SLIT2: variants seen among roughly 807,000 people sequenced by gnomAD.
SLIT2 encodes the protein slit homolog 2 protein.
Under a neutral mutation model 185.7 loss-of-function variants are expected in SLIT2, and 41 were observed. That is an observed-to-expected ratio of 0.22 (90% CI 0.17 to 0.29). SLIT2 has a LOEUF of 0.29. SLIT2 is among the 10% of genes least tolerant of loss of function. The pLI is 1.00. For synonymous variants in SLIT2, 693 were observed against 680.2 expected (o/e 1.02, Z -0.29); for missense variants, 1,571 against 1,909.0 (o/e 0.82, Z 3.30).
intron 3 of SLIT2, among the ~76,000 whole-genome samples, chr4:20,263,797 A>G (rs920904027): frequency 6.6e-6 from 1 of 151,918 alleles, no homozygotes; most frequent in Non-Finnish European, 1.5e-5. Flanking sequence ...TGCTGGGCAC[A>G]CAGCACTTAA....
At chr4:20,592,619 G>T (rs1326982090) in intron 30 of SLIT2, among the ~76,000 whole-genome samples, 3 of 152,166 alleles carry the variant, frequency 2.0e-5, no homozygotes, top group Non-Finnish European at 2.9e-5. Context: ...TGGATGTGTT[G>T]TTCTCTTATC....
intron 21 of SLIT2, among the ~76,000 whole-genome samples, chr4:20,545,820 G>A (rs1219312329): frequency 2.6e-5 from 4 of 151,060 alleles, no homozygotes; most frequent in Non-Finnish European, 4.4e-5. Context: ...TGCCTTGTTA[G>A]ATAAACCACA....
Position 20,367,596 on chromosome 4 carries a change from C to T in SLIT2, c.395+98715C>T, listed in dbSNP as rs61789391. 1.3e-3 allele frequency among the ~76,000 whole-genome samples: 191 copies of T among 152,246 alleles called. 2 individuals are homozygous for T. Among genetic ancestry groups the T allele is most frequent in the Admixed American group, 4.6e-3 (70 of 15,282 alleles). ...ATGTTTATATTTGGACATACTAGTTCTCTGCTGTCATCTTGACTGATTCAG... is the reference window on the plus strand; with the variant it reads ...ATGTTTATATTTGGACATACTAGTTTTCTGCTGTCATCTTGACTGATTCAG... On this transcript the variant is annotated intron_variant, in intron 4 of 36. Coordinates refer to ENST00000504154, the MANE Select transcript of SLIT2 (RefSeq NM_004787.4).
chr4:20,472,309 T>TAG (rs1715243696), intron 5 of SLIT2, among the ~76,000 whole-genome samples: 1 of 33,672 alleles, frequency 3.0e-5, no homozygotes, highest in African/African-American at 2.0e-4. Context: ...TATAGATCTA[T>TAG]ATATAGATAT....
rs940098976 is a variant in SLIT2, at chr4:20,528,627, AT to A, written c.1463-321del. 2.6e-5 allele frequency among the ~76,000 whole-genome samples: 4 copies of A among 152,188 alleles called. No individual in the cohort carries two copies. The highest frequency in any genetic ancestry group is 5.9e-5 in the Non-Finnish European group (4 of 68,036). ...TCAATTCTTGACTCCGAGAAAAAAA[AT>A]AAACTTTTTAATAATTAATATCCAT... On this transcript the variant is annotated intron_variant, in intron 15 of 36. Coordinates refer to ENST00000504154, the MANE Select transcript of SLIT2 (RefSeq NM_004787.4). This position sits in a 1 kb window ranked among gnomAD's most constrained non-coding sequence, Gnocchi z 4.2.
At chr4:20,462,546 T>C (rs999575898) in intron 4 of SLIT2, among the ~76,000 whole-genome samples, 1 of 152,176 alleles carries the variant, frequency 6.6e-6, no homozygotes, top group Non-Finnish European at 1.5e-5. Flanking sequence ...TTGCACCAGA[T>C]GCTAACTCCT....
Position 20,604,838 on chromosome 4 carries a change from A to T in SLIT2, c.3693-5175A>T, listed in dbSNP as rs886839290. Among the ~76,000 whole-genome samples the T allele has an allele frequency of 4.2e-5, 6 of 141,910 alleles. No homozygotes were observed. In the Admixed American group the frequency reaches 4.3e-4, roughly 10 times the overall value. The allele number at this position is 141,910 out of a possible 152,430, so 93.1% of individuals were successfully genotyped here. The stretch of plus-strand genomic sequence containing the variant: ...GTGGAATATGTCACCAGATACTTTA[A>T]TTTTTTTTTTTTTTTTAGATGGAGT... On this transcript the variant is annotated intron_variant, in intron 33 of 36. Transcript: ENST00000504154.
At chr4:20,604,627 G>A (rs899468322) in intron 33 of SLIT2, among the ~76,000 whole-genome samples, 2 of 151,978 alleles carry the variant, frequency 1.3e-5, no homozygotes, top group African/African-American at 4.8e-5. Context: ...GATTACAGGC[G>A]TGAGCCACTG....
intron 4 of SLIT2, among the ~76,000 whole-genome samples, chr4:20,271,944 G>A (rs951638281): frequency 6.6e-6 from 1 of 152,018 alleles, no homozygotes; most frequent in African/African-American, 2.4e-5. Context: ...TATGAATTAT[G>A]ATTCGACACA....
intron 5 of SLIT2, among the ~76,000 whole-genome samples, chr4:20,477,794 AT>A (rs887796282): frequency 2.2e-4 from 34 of 152,146 alleles, no homozygotes; most frequent in African/African-American, 6.0e-4. Context: ...GGAGCATAAT[AT>A]TTTTTTTGAA....
chr4:20,408,959 A>G (rs1287487116), intron 4 of SLIT2, among the ~76,000 whole-genome samples: 1 of 138,596 alleles, frequency 7.2e-6, no homozygotes, highest in Admixed American at 7.9e-5. Context: ...CCCACCTCCC[A>G]TATGCACTTG....
At chr4:20,540,510 A>C (rs993847957) in intron 19 of SLIT2, among the ~76,000 whole-genome samples, 3 of 152,070 alleles carry the variant, frequency 2.0e-5, no homozygotes, top group African/African-American at 7.2e-5. Context: ...TAAATAAATA[A>C]ATAAAATTTA....
At chr4:20,476,263 C>G (rs1027978821) in intron 5 of SLIT2, among the ~76,000 whole-genome samples, 1 of 152,040 alleles carries the variant, frequency 6.6e-6, no homozygotes, top group African/African-American at 2.4e-5. Flanking sequence ...GGAGAAGAGA[C>G]CACGCTCATA....
intron 4 of SLIT2, among the ~76,000 whole-genome samples, chr4:20,426,242 CT>C (rs1296370484): frequency 6.6e-6 from 1 of 152,160 alleles, no homozygotes. Context: ...ATCACCAGGA[CT>C]GCTGGCAGAT....
intron 4 of SLIT2, among the ~76,000 whole-genome samples, chr4:20,394,273 G>A (rs1043196004): frequency 1.3e-4 from 19 of 151,948 alleles, no homozygotes; most frequent in African/African-American, 2.2e-4. Flanking sequence ...AATTGGTATC[G>A]CATAAGCTTA....
intron 8 of SLIT2, chr4:20,490,934 C>G (rs1717732005): frequency 1.4e-6 from 1 of 728,930 alleles, no homozygotes; most frequent in Non-Finnish European, 2.3e-6. Context: ...CACTAGGGCC[C>G]TTTCCTGGCA....
intron 4 of SLIT2, among the ~76,000 whole-genome samples, chr4:20,440,555 C>T (rs1270274255): frequency 1.3e-5 from 2 of 152,028 alleles, no homozygotes; most frequent in African/African-American, 4.8e-5. Flanking sequence ...CTGAGATACA[C>T]GGCAATAGAA....
At chr4:20,330,765 A>G (rs1719996494) in intron 4 of SLIT2, among the ~76,000 whole-genome samples, 1 of 152,044 alleles carries the variant, frequency 6.6e-6, no homozygotes, top group African/African-American at 2.4e-5. Flanking sequence ...GTATTAATTC[A>G]TACCACAAGT....
intron 4 of SLIT2, among the ~76,000 whole-genome samples, chr4:20,331,543 TC>T (rs1720068826): frequency 6.6e-6 from 1 of 152,152 alleles, no homozygotes; most frequent in African/African-American, 2.4e-5. Flanking sequence ...GTGATGTCAG[TC>T]ACTGTACTAA....
Sources: gnomAD v4.1 joint callset for allele counts (sites outside exome capture counted in the v4.1 genomes callset) on GRCh38, gnomAD v4.1.1 for gene constraint, Gnocchi (gnomAD v3.1) non-coding constraint, MANE v1.5 for transcripts, NCBI Gene and HGNC (gene_info 2026-07-23, HGNC 2026-07-21) for gene names.